ZDHHC14: variants seen among roughly 807,000 people sequenced by gnomAD.
ZDHHC14 encodes the protein zDHHC palmitoyltransferase 14.
In ZDHHC14, 16 loss-of-function variants were observed where a neutral mutation model predicts 47.7. The observed-to-expected ratio is 0.34, with a 90% CI of 0.23 to 0.51. The LOEUF (loss-of-function observed/expected upper bound fraction) is 0.51, where lower values mean the gene tolerates loss of function less well. ZDHHC14 is among the 20% of genes least tolerant of loss of function. The probability of loss-of-function intolerance (pLI) is 0.97; values close to 1 mark genes in which losing one functional copy is unlikely to be tolerated. For synonymous variants in ZDHHC14, 293 were observed against 278.9 expected (o/e 1.05, Z -0.50); for missense variants, 515 against 662.5 (o/e 0.78, Z 2.44).
At position 157,673,311 on chromosome 6, in the gene ZDHHC14, A is replaced by G. The variant is rs1160618483; in HGVS notation, c.*189A>G. 1.4e-6 allele frequency: 1 copy of G among 711,910 alleles called. No homozygotes were observed. Among genetic ancestry groups the G allele is most frequent in the Non-Finnish European group, 2.1e-6 (1 of 469,352 alleles). 44.1% of individuals were successfully genotyped at this position (711,910 alleles called of 1,614,324 possible). ...CCCCGGATGCTGAGAGCTTGGTTTC[A>G]TTTGAATTTTCTTCCCCAACCTGAG... On this transcript the variant is annotated 3_prime_UTR_variant, in exon 9 of 9. Coordinates refer to ENST00000359775, the MANE Select transcript of ZDHHC14 (RefSeq NM_024630.3). The surrounding 1 kb of genome is among the most constrained non-coding windows in gnomAD (Gnocchi z 5.4).
At position 157,417,973 on chromosome 6, in the gene ZDHHC14, C is replaced by T. The variant is rs74297583; in HGVS notation, c.245+35707C>T. Among the ~76,000 whole-genome samples, 244 of 150,524 alleles carry T rather than the reference C, an allele frequency of 1.6e-3. 1 individual carries two copies. The East Asian group carries it at 0.018, about 11-fold the overall frequency. ...CATCTCAAAAAAAAAAAAAAAAAGA[C>T]GAAGAAGCCCAGGGTCAGGCCGACT... On this transcript the variant is annotated intron_variant, in intron 1 of 8. Coordinates refer to ENST00000359775, the MANE Select transcript of ZDHHC14 (RefSeq NM_024630.3).
chr6:157,460,736 ATAATGTGAC>A (rs1303388470), intron 1 of ZDHHC14, among the ~76,000 whole-genome samples: 1 of 152,200 alleles, frequency 6.6e-6, no homozygotes, highest in African/African-American at 2.4e-5. Flanking sequence ...GGAGGCAGAA[ATAATGTGAC>A]TAACACTGGG....
At chr6:157,644,899 C>A (rs1239382620) in intron 5 of ZDHHC14, among the ~76,000 whole-genome samples, 1 of 152,162 alleles carries the variant, frequency 6.6e-6, no homozygotes. Context: ...CTGGCCTTTT[C>A]ACATTGCCAC....
rs1054084561 is a variant in ZDHHC14 at position 157,456,186 on chromosome 6, C to T, written c.245+73920C>T. 3.9e-5 allele frequency among the ~76,000 whole-genome samples: 6 copies of T among 152,286 alleles called. No homozygotes were observed. In the East Asian group the frequency reaches 7.7e-4, roughly 20 times the overall value. ...TGCCTCCCCGAGGAGGCTGCCACGG[C>T]GCGTGGCCCTAGATTCTGACAGAGG... On this transcript the variant is annotated intron_variant, in intron 1 of 8. Coordinates refer to ENST00000359775, the MANE Select transcript of ZDHHC14 (RefSeq NM_024630.3).
At chr6:157,498,416 G>A (rs1780116496) in intron 1 of ZDHHC14, among the ~76,000 whole-genome samples, 1 of 152,092 alleles carries the variant, frequency 6.6e-6, no homozygotes, top group African/African-American at 2.4e-5. Context: ...AGCAGAGGTG[G>A]AAAAGTGTAA....
At chr6:157,646,884 G>A (rs770874358) in intron 6 of ZDHHC14, among the ~76,000 whole-genome samples, 4 of 152,100 alleles carry the variant, frequency 2.6e-5, no homozygotes, top group Non-Finnish European at 4.4e-5. Context: ...CACAAGAAGA[G>A]GCTGAATTAT....
rs1023285723 is a variant in ZDHHC14, at chr6:157,545,202, A to G, written c.406+2457A>G. Among the ~76,000 whole-genome samples the G allele has an allele frequency of 3.3e-5, 5 of 152,020 alleles. No individual in the cohort carries two copies. The East Asian group carries it at 9.6e-4, about 29-fold the overall frequency. The stretch of plus-strand genomic sequence containing the variant: ...AGTGATTTCCTGGGGCTGGGAGGGT[A>G]GGAGTGCAGGTTAACTGCACATGAC... On this transcript the variant is annotated intron_variant, in intron 2 of 8. Transcript: ENST00000359775.
chr6:157,523,554 A>C (rs1781038144), intron 1 of ZDHHC14, among the ~76,000 whole-genome samples: 2 of 152,140 alleles, frequency 1.3e-5, no homozygotes, highest in Non-Finnish European at 2.9e-5. Context: ...AGGGGCATAA[A>C]AGTTGGCATA....
chr6:157,495,033 A>T (rs1055668484), intron 1 of ZDHHC14, among the ~76,000 whole-genome samples: 11 of 151,270 alleles, frequency 7.3e-5, no homozygotes, highest in African/African-American at 1.9e-4. Flanking sequence ...ACTACATGGG[A>T]CTACAGCCTC....
intron 5 of ZDHHC14, among the ~76,000 whole-genome samples, chr6:157,635,784 G>A (rs974510221): frequency 2.6e-5 from 4 of 152,222 alleles, no homozygotes; most frequent in African/African-American, 4.8e-5. Flanking sequence ...AGCCTGCAGC[G>A]GGAAGGAGTG....
chr6:157,396,114 C>T (rs1321929212), intron 1 of ZDHHC14, among the ~76,000 whole-genome samples: 3 of 152,046 alleles, frequency 2.0e-5, no homozygotes, highest in Admixed American at 1.3e-4. Flanking sequence ...CATAGGGACA[C>T]CTTTTTGACA....
At chr6:157,534,256 C>T (rs1007263774) in intron 1 of ZDHHC14, among the ~76,000 whole-genome samples, 9 of 152,146 alleles carry the variant, frequency 5.9e-5, no homozygotes, top group African/African-American at 1.9e-4. Context: ...AGAGCTTTCT[C>T]GGAAGGGCCC....
At chr6:157,556,577 G>T (rs969059435) in intron 2 of ZDHHC14, among the ~76,000 whole-genome samples, 15 of 152,324 alleles carry the variant, frequency 9.8e-5, no homozygotes, top group Admixed American at 3.9e-4. Context: ...AACGGGTCTC[G>T]AATCCAGGCA....
intron 1 of ZDHHC14, among the ~76,000 whole-genome samples, chr6:157,475,705 T>C (rs920990491): frequency 6.6e-6 from 1 of 152,158 alleles, no homozygotes; most frequent in East Asian, 1.9e-4. Flanking sequence ...TGTTAGTATA[T>C]AGAAATAACA....
chr6:157,385,641 C>A (rs994882259), intron 1 of ZDHHC14, among the ~76,000 whole-genome samples: 1 of 152,322 alleles, frequency 6.6e-6, no homozygotes, highest in Non-Finnish European at 1.5e-5. Flanking sequence ...CAGTCTTTAG[C>A]CCCTGGAGAA....
At chr6:157,470,387 G>A (rs914575372) in intron 1 of ZDHHC14, among the ~76,000 whole-genome samples, 20 of 152,202 alleles carry the variant, frequency 1.3e-4, no homozygotes, top group Admixed American at 5.2e-4. Context: ...CCGCTCCTGA[G>A]ATTAAGTAAA....
intron 2 of ZDHHC14, among the ~76,000 whole-genome samples, chr6:157,580,956 C>G (rs1783497112): frequency 6.6e-6 from 1 of 151,884 alleles, no homozygotes; most frequent in Non-Finnish European, 1.5e-5. Context: ...TTTCTGTCAT[C>G]TAGTAGCTTT....
At chr6:157,639,017 C>T (rs1270441393) in intron 5 of ZDHHC14, among the ~76,000 whole-genome samples, 2 of 152,222 alleles carry the variant, frequency 1.3e-5, no homozygotes, top group African/African-American at 4.8e-5. Context: ...TGTGCCCACG[C>T]ACTCCACATT....
intron 8 of ZDHHC14, among the ~76,000 whole-genome samples, chr6:157,658,163 G>C (rs1014189970): frequency 1.3e-5 from 2 of 152,118 alleles, no homozygotes; most frequent in Non-Finnish European, 2.9e-5. Flanking sequence ...GAAAATAATA[G>C]AGATGACTGG....
Sources: allele counts gnomAD v4.1 joint callset (sites outside exome capture counted in the v4.1 genomes callset), GRCh38; gene constraint gnomAD v4.1.1; non-coding constraint Gnocchi (gnomAD v3.1); transcripts MANE v1.5; gene names NCBI Gene and HGNC (gene_info 2026-07-23, HGNC 2026-07-21).